The following RNLS variants were observed in gnomAD, a reference collection of about 807,000 sequenced individuals.
RNLS encodes the protein renalase, FAD dependent amine oxidase, also known as renalase.
A neutral mutation model predicts 39.8 loss-of-function variants in RNLS; 39 were observed. The observed-to-expected ratio is 0.98, with a 90% CI of 0.76 to 1.28. The LOEUF is 1.28. RNLS is among the 50% of genes most tolerant of loss of function. The pLI is 0.00. For synonymous variants in RNLS, 147 were observed against 150.7 expected (o/e 0.98, Z 0.18); for missense variants, 410 against 413.3 (o/e 0.99, Z 0.07).
intron 5 of RNLS, among the ~76,000 whole-genome samples, chr10:88,337,843 G>C (rs1478911069): frequency 6.6e-6 from 1 of 151,992 alleles, no homozygotes; most frequent in Non-Finnish European, 1.5e-5. Context: ...CTTTAGTACT[G>C]TGTCTGGCAT....
intron 4 of RNLS, among the ~76,000 whole-genome samples, chr10:88,542,518 C>A (rs887537976): frequency 8.5e-5 from 13 of 152,298 alleles, no homozygotes; most frequent in African/African-American, 2.2e-4. Flanking sequence ...GGTGACCTCA[C>A]AGTGAGGCTT....
At chr10:88,459,103 C>CTTT (rs34868471) in intron 4 of RNLS, among the ~76,000 whole-genome samples, 1 of 145,238 alleles carries the variant, frequency 6.9e-6, no homozygotes, top group South Asian at 2.2e-4. Flanking sequence ...TTTCTTTTTT[C>CTTT]TTTTTTTTTT....
At chr10:88,442,530 T>C (rs566541408) in intron 4 of RNLS, among the ~76,000 whole-genome samples, 2 of 152,286 alleles carry the variant, frequency 1.3e-5, no homozygotes, top group Admixed American at 1.3e-4. Context: ...GCCCTGATGG[T>C]TTTAATCTTC....
At chr10:88,566,797 C>A (rs1423819677) in intron 4 of RNLS, among the ~76,000 whole-genome samples, 3 of 152,074 alleles carry the variant, frequency 2.0e-5, no homozygotes, top group East Asian at 1.9e-4. Flanking sequence ...ACAAATAAAT[C>A]TTCCAATAAG....
chr10:88,340,388 C>T (rs1441986720), intron 5 of RNLS, among the ~76,000 whole-genome samples: 2 of 152,180 alleles, frequency 1.3e-5, no homozygotes, highest in South Asian at 2.1e-4. Flanking sequence ...GAAATACTTT[C>T]GTATGGAGGA....
chr10:88,251,580 G>A, the RNLS span, among the ~76,000 whole-genome samples: 5 of 152,184 alleles, frequency 3.3e-5, no homozygotes, highest in African/African-American at 1.2e-4. Flanking sequence ...GTTATAAGGA[G>A]TTTGTTGGCA....
At chr10:88,368,906 C>T (rs1315197199) in intron 4 of RNLS, among the ~76,000 whole-genome samples, 1 of 152,006 alleles carries the variant, frequency 6.6e-6, no homozygotes, top group Non-Finnish European at 1.5e-5. Context: ...TTCACTGTAT[C>T]CTTGCTTATA....
chr10:88,583,013 C>A (rs1364058089), intron 1 of RNLS, 60 bp downstream of exon 1: 9 of 1,570,118 alleles, frequency 5.7e-6, no homozygotes, highest in Non-Finnish European at 7.8e-6. Flanking sequence ...AGGCCCACAC[C>A]ACCTCAGCAG....
chr10:88,323,114 C>G (rs1025873693), intron 5 of RNLS, among the ~76,000 whole-genome samples: 1 of 152,074 alleles, frequency 6.6e-6, no homozygotes, highest in Admixed American at 6.6e-5. Context: ...CAACAGAATA[C>G]TGATGAAAGA....
At chr10:88,309,478 T>A (rs781369862) in intron 6 of RNLS, 1 of 1,289,506 alleles carries the variant, frequency 7.8e-7, no homozygotes, top group Non-Finnish European at 1.0e-6. Flanking sequence ...AAACAAAATC[T>A]GTAAGAAAAA....
At chr10:88,427,255 G>C (rs1854836895) in intron 4 of RNLS, among the ~76,000 whole-genome samples, 1 of 151,992 alleles carries the variant, frequency 6.6e-6, no homozygotes, top group South Asian at 2.1e-4. Flanking sequence ...CTACTGATCT[G>C]TTAGAATGCC....
intron 4 of RNLS, among the ~76,000 whole-genome samples, chr10:88,425,524 A>G (rs1247746566): frequency 1.3e-5 from 2 of 152,070 alleles, no homozygotes; most frequent in African/African-American, 4.8e-5. Flanking sequence ...TTAGTTTTAT[A>G]TTGCCTGGCA....
At chr10:88,265,191 A>T in the RNLS span, among the ~76,000 whole-genome samples, 1,861 of 152,188 alleles carry the variant, frequency 0.012, 38 homozygotes, top group African/African-American at 0.04. Context: ...CCATTGGTCT[A>T]TGTGCCAATT....
chr10:88,529,346 C>T (rs1276952389), intron 4 of RNLS, among the ~76,000 whole-genome samples: 1 of 152,162 alleles, frequency 6.6e-6, no homozygotes, highest in Non-Finnish European at 1.5e-5. Context: ...CTGCCTCTGA[C>T]TGGGTGGGCA....
At chr10:88,191,722 C>T in the RNLS span, among the ~76,000 whole-genome samples, 1 of 152,188 alleles carries the variant, frequency 6.6e-6, no homozygotes, top group Non-Finnish European at 1.5e-5. Context: ...TCTCAATCTT[C>T]AAAATTAGCA....
At chr10:88,391,032 G>A (rs1852166197) in intron 4 of RNLS, among the ~76,000 whole-genome samples, 1 of 151,842 alleles carries the variant, frequency 6.6e-6, no homozygotes, top group Non-Finnish European at 1.5e-5. Flanking sequence ...ACTGAGAATT[G>A]TTAATCATTT....
At chr10:88,172,693 A>G in the RNLS span, among the ~76,000 whole-genome samples, 1 of 151,358 alleles carries the variant, frequency 6.6e-6, no homozygotes, top group South Asian at 2.1e-4. Flanking sequence ...AGTCCCATTT[A>G]TCTATGTTTG....
chr10:88,494,684 G>C (rs1244545976), intron 4 of RNLS, among the ~76,000 whole-genome samples: 1 of 152,102 alleles, frequency 6.6e-6, no homozygotes, highest in East Asian at 1.9e-4. Flanking sequence ...TATCAGAAGA[G>C]GATTAGAGTT....
chr10:88,424,891 G>A (rs927439532), intron 4 of RNLS, among the ~76,000 whole-genome samples: 8 of 152,074 alleles, frequency 5.3e-5, no homozygotes, highest in African/African-American at 1.7e-4. Flanking sequence ...TTGGAGCAAC[G>A]TTTGGTCATG....
Sources: allele counts gnomAD v4.1 joint callset (sites outside exome capture counted in the v4.1 genomes callset), GRCh38; gene constraint gnomAD v4.1.1; transcripts MANE v1.5; gene names NCBI Gene and HGNC (gene_info 2026-07-23, HGNC 2026-07-21).